The following MYO18B variants were observed in gnomAD, a reference collection of about 807,000 sequenced individuals.
MYO18B encodes myosin XVIIIB.
In MYO18B, 204 loss-of-function variants were observed where a neutral mutation model predicts 273.0. That is an observed-to-expected ratio of 0.75 (90% CI 0.67 to 0.84). MYO18B has a LOEUF of 0.84. MYO18B is among the 40% of genes least tolerant of loss of function. The pLI is 0.00. For missense variants in MYO18B, 3,212 were observed against 3,287.6 expected (o/e 0.98, Z 0.56); for synonymous variants, 1,330 against 1,305.7 (o/e 1.02, Z -0.40).
intron 34 of MYO18B, among the ~76,000 whole-genome samples, chr22:25,940,595 C>T (rs1214955364): frequency 6.6e-6 from 1 of 152,200 alleles, no homozygotes; most frequent in African/African-American, 2.4e-5. Context: ...TTTGGGTCTG[C>T]TCCTAACCAC....
At chr22:25,870,092 T>C (rs145723918) in intron 22 of MYO18B, among the ~76,000 whole-genome samples, 53 of 152,340 alleles carry the variant, frequency 3.5e-4, no homozygotes, top group Admixed American at 2.1e-3. Context: ...TAAGCCTCTT[T>C]TCAAGATCCT....
chr22:26,058,807 A>G, the MYO18B span, among the ~76,000 whole-genome samples: 1 of 152,168 alleles, frequency 6.6e-6, no homozygotes, highest in Non-Finnish European at 1.5e-5. Flanking sequence ...CCAGATGCAG[A>G]TACTGTTTCT....
intron 12 of MYO18B, among the ~76,000 whole-genome samples, chr22:25,816,456 A>G (rs1256505285): frequency 3.9e-5 from 6 of 152,084 alleles, no homozygotes; most frequent in Admixed American, 1.3e-4. Flanking sequence ...TCGACTTGTC[A>G]TTTACATTAG....
At chr22:25,797,860 A>C in intron 11 of MYO18B, 93 bp from the exon 12 acceptor site, 1 of 1,578,424 alleles carries the variant, frequency 6.3e-7, no homozygotes, top group South Asian at 1.1e-5. Context: ...TGACCCCCGC[A>C]TTCCTTCGAG....
rs144765478 is a variant in MYO18B at position 25,936,537 on chromosome 22, C to T, written c.5518-9600C>T. On this transcript the variant is annotated intron_variant, in intron 34 of 43. Coordinates refer to ENST00000335473, the MANE Select transcript of MYO18B (RefSeq NM_032608.7). ...GACATTGATGAGTTAACTAACCTGTCTGTGCCTCAGTTTCCTCATCTGAAA... is the reference window on the plus strand; with the variant it reads ...GACATTGATGAGTTAACTAACCTGTTTGTGCCTCAGTTTCCTCATCTGAAA... Among the ~76,000 whole-genome samples, 595 of 152,338 alleles carry T rather than the reference C, an allele frequency of 3.9e-3. 4 individuals carry two copies. Among genetic ancestry groups the T allele is most frequent in the African/African-American group, 0.013 (523 of 41,576 alleles).
chr22:25,768,433 C>T lies in MYO18B; in HGVS notation c.517C>T (p.His173Tyr). The T allele has an allele frequency of 2.5e-6, 4 of 1,612,830 alleles. No homozygotes were observed. Among genetic ancestry groups the T allele is most frequent in the Non-Finnish European group, 3.4e-6 (4 of 1,179,460 alleles). The change falls in exon 4 of 44, where the codon CAT becomes TAT. Residue 173 changes from histidine to tyrosine, a missense_variant. Transcript: ENST00000335473. The stretch of plus-strand genomic sequence containing the variant: ...AGCCAAGCCAGAGAAGACTCATCCC[C>T]ATGACGCCCCCCCTTGCAAGACCTC... Reference protein sequence around the residue: ...DSAKPEKTHPHDAPPCKTSPP... With the variant: ...DSAKPEKTHPYDAPPCKTSPP...
chr22:26,046,011 G>A, the MYO18B span, among the ~76,000 whole-genome samples: 1 of 152,214 alleles, frequency 6.6e-6, no homozygotes, highest in Non-Finnish European at 1.5e-5. Context: ...TGCTACTGCT[G>A]AATAAATAAA....
intron 12 of MYO18B, among the ~76,000 whole-genome samples, chr22:25,800,341 G>A (rs59303447): frequency 0.032 from 4,865 of 152,228 alleles, 249 homozygotes; most frequent in African/African-American, 0.11. Flanking sequence ...AAAATCAGCC[G>A]TGGGCCATGC....
At chr22:25,743,160 G>A (rs1023697584) in intron 1 of MYO18B, among the ~76,000 whole-genome samples, 13 of 152,248 alleles carry the variant, frequency 8.5e-5, no homozygotes, top group African/African-American at 3.1e-4. Flanking sequence ...CAAGTGTGGG[G>A]ATCTGGGCTT....
intron 42 of MYO18B, among the ~76,000 whole-genome samples, chr22:26,008,737 G>A (rs979994073): frequency 1.3e-5 from 2 of 152,252 alleles, no homozygotes; most frequent in Admixed American, 6.5e-5. Context: ...ACATCTGGCC[G>A]CAAGTGGTGC....
At chr22:25,977,251 G>A (rs1318961880) in intron 39 of MYO18B, among the ~76,000 whole-genome samples, 1 of 151,636 alleles carries the variant, frequency 6.6e-6, no homozygotes, top group Non-Finnish European at 1.5e-5. Context: ...GGCCTGGATG[G>A]CTTTATTCAA....
the MYO18B span, among the ~76,000 whole-genome samples, chr22:26,038,032 T>C: frequency 6.6e-6 from 1 of 152,222 alleles, no homozygotes; most frequent in Non-Finnish European, 1.5e-5. Context: ...GCCCCATCAT[T>C]ATTTTATATG....
chr22:25,950,528 G>GTGTGTGTGTGTGTGTGTC, intron 37 of MYO18B, 78 bp downstream of exon 37: 1 of 205,784 alleles, frequency 4.9e-6, no homozygotes. Flanking sequence ...ATGTGTGTGT[G>GTGTGTGTGTGTGTGTGTC]TGTGTGTGTG....
rs551672297 is a variant in MYO18B, at chr22:25,843,749, C to T, written c.3223C>T (p.Arg1075Trp). The change falls in exon 18 of 44, where the codon CGG (arginine) becomes TGG (tryptophan). Residue 1075 changes from arginine to tryptophan, a missense_variant. Transcript: ENST00000335473. ...TCTGTTTCCAGGGTCCTCTGCCCTG[C>T]GGACCTGTGAGCAGCCCCTCCAGTG... ...GAGTEGSSAL[R>W]TCEQPLQCEI... 5.3e-5 allele frequency: 85 copies of T among 1,613,250 alleles called. No individual in the cohort carries two copies. The highest frequency in any genetic ancestry group is 2.7e-4 in the Admixed American group (16 of 59,986).
intron 14 of MYO18B, among the ~76,000 whole-genome samples, chr22:25,827,459 A>G (rs1473118084): frequency 6.6e-6 from 1 of 152,194 alleles, no homozygotes; most frequent in Non-Finnish European, 1.5e-5. Flanking sequence ...CGTTACGCAC[A>G]ATGCACTGAG....
chr22:25,821,683 A>G (rs537772186), intron 12 of MYO18B, among the ~76,000 whole-genome samples: 1 of 152,302 alleles, frequency 6.6e-6, no homozygotes, highest in African/African-American at 2.4e-5. Flanking sequence ...AGGCTGAGGC[A>G]GGAGAATGGT....
chr22:25,913,584 G>A (rs1005610725), intron 33 of MYO18B, among the ~76,000 whole-genome samples: 3 of 152,166 alleles, frequency 2.0e-5, no homozygotes, highest in Admixed American at 6.5e-5. Context: ...TAGCCAGGAT[G>A]GTTTCGATCT....
chr22:25,849,602 A>G lies in MYO18B; in HGVS notation c.3776-1868A>G, dbSNP rs749802551. On this transcript the variant is annotated intron_variant, in intron 20 of 43. Transcript: ENST00000335473. ...AGATCATTTTTGCTGTGCTAAAGGT[A>G]TGTAGTAAACATTCATTCAACATTA... Among the ~76,000 whole-genome samples the G allele has an allele frequency of 1.7e-4, 26 of 152,332 alleles. No individual in the cohort carries two copies. The South Asian group carries it at 2.3e-3, about 13-fold the overall frequency.
At chr22:25,858,481 G>A (rs1212996559) in intron 21 of MYO18B, among the ~76,000 whole-genome samples, 1 of 152,338 alleles carries the variant, frequency 6.6e-6, no homozygotes, top group East Asian at 1.9e-4. Context: ...GCACTTTGCA[G>A]CTATGGCTCT....
Sources: allele counts gnomAD v4.1 joint callset (sites outside exome capture counted in the v4.1 genomes callset), GRCh38; gene constraint gnomAD v4.1.1; transcripts MANE v1.5; gene names NCBI Gene and HGNC (gene_info 2026-07-23, HGNC 2026-07-21).